Variants in AHNAK observed in about 807,000 individuals in gnomAD.
The protein encoded by AHNAK is neuroblast differentiation-associated protein AHNAK.
Under a neutral mutation model 37.8 loss-of-function variants are expected in AHNAK, and 23 were observed. The ratio of observed to expected loss-of-function variants is 0.61; its 90% CI spans 0.44 to 0.86. AHNAK has a LOEUF of 0.86. AHNAK is among the 40% of genes least tolerant of loss of function. The pLI is 0.00. For synonymous variants in AHNAK, 2,481 were observed against 2,636.3 expected, an observed-to-expected ratio of 0.94 and a Z score of 1.80; for missense variants, 7,411 against 7,319.4, an observed-to-expected ratio of 1.01 and a Z score of -0.46.
Position 62,526,503 on chromosome 11 carries a change from C to T in AHNAK, c.7914G>A (p.Met2638Ile). 2 of 1,613,314 alleles carry T rather than the reference C, an allele frequency of 1.2e-6. No homozygotes were observed. The highest frequency in any genetic ancestry group is 2.7e-5 in the African/African-American group (2 of 74,696). The part of the protein sequence containing the change: ...GVQGPDWHLK[M>I]PKVKMPKFSM... ...TGAACTTTGGCATTTTCACCTTGGG[C>T]ATCTTCAGGTGCCAGTCTGGGCCTT... Residue 2638 changes from methionine (M) to isoleucine (I), a missense_variant, in exon 5 of 5, where the codon ATG (methionine) becomes ATA (isoleucine). Physicochemically the swap from Met to Ile is conservative, Grantham distance 10. Coordinates refer to ENST00000378024, the MANE Select transcript of AHNAK (RefSeq NM_001620.3).
Position 62,530,847 on chromosome 11 carries a change from G to A in AHNAK, c.3570C>T (p.Phe1190=), listed in dbSNP as rs148950066. The A allele has an allele frequency of 3.5e-5, 56 of 1,613,556 alleles. No homozygotes were observed. The highest frequency in any genetic ancestry group is 3.3e-4 in the Middle Eastern group (2 of 6,076). ...CAGGCATGGAGATCTTGGGGGTCTT[G>A]AAATGCATCTCAGGCATCTTAAACT... The part of the protein sequence containing the change: ...GPKFKMPEMH[F]KTPKISMPDV... The change falls in exon 5 of 5, where the codon TTC becomes TTT. Residue 1190 remains phenylalanine (F), a synonymous_variant. Coordinates refer to ENST00000378024, the MANE Select transcript of AHNAK (RefSeq NM_001620.3).
intron 5 of AHNAK, among the ~76,000 whole-genome samples, chr11:62,456,754 C>G (rs1938667394): frequency 1.3e-5 from 2 of 152,196 alleles, no homozygotes; most frequent in African/African-American, 4.8e-5. Context: ...GGATCAGAGA[C>G]TAGGATTTCA....
chr11:62,535,980 T>C lies in AHNAK; in HGVS notation c.119A>G (p.Asn40Ser), dbSNP rs780548173. The C allele has an allele frequency of 1.1e-5, 17 of 1,612,222 alleles. No homozygotes were observed. The East Asian group carries it at 3.4e-4, about 32-fold the overall frequency. The change falls in exon 3 of 5, where the codon AAC becomes AGC. Residue 40 changes from asparagine (N) to serine (S), a missense_variant. Transcript: ENST00000378024. The stretch of plus-strand genomic sequence containing the variant: ...CACCCCAGTGCGGGCCGCAGGGGAG[T>C]TCTGCGTCACCTCCTGCACAAAGAC... ...DGVFVQEVTQ[N>S]SPAARTGVVK... is the part of the protein sequence containing the mutation.
chr11:62,487,164 A>G (rs1449899188), intron 5 of AHNAK, among the ~76,000 whole-genome samples: 1 of 152,234 alleles, frequency 6.6e-6, no homozygotes, highest in Non-Finnish European at 1.5e-5. Flanking sequence ...AAGGGGTATA[A>G]TTACAACAGC....
intron 5 of AHNAK, among the ~76,000 whole-genome samples, chr11:62,467,227 A>AC (rs1938931097): frequency 6.6e-6 from 1 of 151,488 alleles, no homozygotes; most frequent in African/African-American, 2.4e-5. Context: ...AAAAAAAAAA[A>AC]ACTTAGAAAA....
At position 62,530,179 on chromosome 11, in the gene AHNAK, A is replaced by T. The variant is rs755359437; in HGVS notation, c.4238T>A (p.Val1413Asp). The change falls in exon 5 of 5, where the codon GTC (valine) becomes GAC (aspartate). Residue 1413 changes from valine to aspartate, a missense_variant. Transcript: ENST00000378024. ...TTCAGCATCCATTTTGGGTCCTGAG[A>T]CATCAACGTCAGCTTTGGGCAGCTT... ...DVKLPKADVDVSGPKMDAEVP... is the reference protein window; with the variant it reads ...DVKLPKADVDDSGPKMDAEVP... 4 of 1,613,384 alleles carry T rather than the reference A, an allele frequency of 2.5e-6. No individual in the cohort carries two copies. The South Asian group carries it at 4.4e-5, about 18-fold the overall frequency.
intron 5 of AHNAK, among the ~76,000 whole-genome samples, chr11:62,480,002 C>T (rs548302901): frequency 3.3e-5 from 5 of 152,164 alleles, no homozygotes; most frequent in Admixed American, 1.3e-4. Flanking sequence ...TGGGTTCTGC[C>T]GGATTTATAG....
intron 5 of AHNAK, among the ~76,000 whole-genome samples, chr11:62,440,473 G>C (rs1187104421): frequency 6.6e-6 from 1 of 152,068 alleles, no homozygotes; most frequent in Non-Finnish European, 1.5e-5. Flanking sequence ...CAGAGGGAAC[G>C]GCAGACACAG....
chr11:62,486,273 G>A (rs907919283), intron 5 of AHNAK, among the ~76,000 whole-genome samples: 12 of 151,816 alleles, frequency 7.9e-5, no homozygotes, highest in Admixed American at 3.9e-4. Context: ...TCAGGAGTTC[G>A]AGACCAGCCT....
At chr11:62,436,887 C>G (rs1938183736) in intron 5 of AHNAK, among the ~76,000 whole-genome samples, 1 of 151,492 alleles carries the variant, frequency 6.6e-6, no homozygotes, top group Non-Finnish European at 1.5e-5. Flanking sequence ...TGCAGTGAGC[C>G]AAGATCGCGC....
At chr11:62,443,485 T>G (rs1386443563) in intron 5 of AHNAK, among the ~76,000 whole-genome samples, 1 of 151,588 alleles carries the variant, frequency 6.6e-6, no homozygotes, top group Non-Finnish European at 1.5e-5. Flanking sequence ...TTGGTCAGGC[T>G]GGTCTCGAAC....
intron 5 of AHNAK, among the ~76,000 whole-genome samples, chr11:62,468,401 A>G (rs372013563): frequency 1.9e-4 from 29 of 151,888 alleles, no homozygotes; most frequent in Admixed American, 3.9e-4. Context: ...TTTTATTCAC[A>G]GAGACAGACT....
At chr11:62,515,572 C>T (rs1026650333), downstream of AHNAK, among the ~76,000 whole-genome samples, 13 of 152,220 alleles carry the variant, frequency 8.5e-5, no homozygotes, top group Admixed American at 2.0e-4. Flanking sequence ...AGAGCCCTTT[C>T]GGTAATTCCA....
At chr11:62,513,361 C>T (rs1041775741), downstream of AHNAK, among the ~76,000 whole-genome samples, 1 of 152,096 alleles carries the variant, frequency 6.6e-6, no homozygotes, top group Non-Finnish European at 1.5e-5. Flanking sequence ...ATGGCAAAAC[C>T]CCATCTCTAC....
At chr11:62,502,516 T>C (rs1939731279) in intron 4 of AHNAK, among the ~76,000 whole-genome samples, 1 of 152,118 alleles carries the variant, frequency 6.6e-6, no homozygotes, top group South Asian at 2.1e-4. Context: ...GCTTATCAAG[T>C]TTCTGCCACG....
At position 62,516,527 on chromosome 11, in the gene AHNAK, A is replaced by C; in HGVS notation, c.*217T>G. Reference sequence around the variant, plus strand: ...TTAAGGCAAATACTGTTGACTTTGCACATGGGCTGGACGAACTTGGAACTC... The same window carrying C: ...TTAAGGCAAATACTGTTGACTTTGCCCATGGGCTGGACGAACTTGGAACTC... On this transcript the variant is annotated 3_prime_UTR_variant, in exon 5 of 5. Transcript: ENST00000378024. 2.1e-6 allele frequency: 3 copies of C among 1,410,586 alleles called. No homozygotes were observed. Among genetic ancestry groups the C allele is most frequent in the Non-Finnish European group, 2.8e-6 (3 of 1,087,972 alleles). The allele number at this position is 1,410,586 out of a possible 1,614,324, so 87.4% of individuals were successfully genotyped here. A position where few individuals can be genotyped will look rare whatever the true frequency, so the allele number is the denominator to read the frequency against.
intron 5 of AHNAK, among the ~76,000 whole-genome samples, chr11:62,479,369 G>T (rs566346844): frequency 6.6e-6 from 1 of 151,450 alleles, no homozygotes; most frequent in East Asian, 1.9e-4. Flanking sequence ...GTTTCTCCAC[G>T]TTGGTCAGGC....
chr11:62,445,424 A>T (rs1295110912), intron 5 of AHNAK, among the ~76,000 whole-genome samples: 2 of 152,184 alleles, frequency 1.3e-5, no homozygotes, highest in Admixed American at 1.3e-4. Flanking sequence ...TTTTTGCTGC[A>T]TCCATAGCTA....
chr11:62,544,785 G>C (rs975191898), intron 1 of AHNAK, among the ~76,000 whole-genome samples: 1 of 151,902 alleles, frequency 6.6e-6, no homozygotes, highest in East Asian at 1.9e-4. Context: ...CTCACGGGGA[G>C]GGGATGAAAG....
Sources: gnomAD v4.1 joint callset for allele counts (sites outside exome capture counted in the v4.1 genomes callset) on GRCh38, gnomAD v4.1.1 for gene constraint, MANE v1.5 for transcripts, NCBI Gene and HGNC (gene_info 2026-07-23, HGNC 2026-07-21) for gene names.